Variants in ATP9B observed in about 807,000 individuals in gnomAD.
The protein encoded by ATP9B is ATPase phospholipid transporting 9B, also known as probable phospholipid-transporting ATPase IIB.
In ATP9B, 110 loss-of-function variants were observed where a neutral mutation model predicts 146.1. The ratio of observed to expected loss-of-function variants is 0.75; its 90% CI spans 0.65 to 0.88. The LOEUF is 0.88. ATP9B is among the 40% of genes least tolerant of loss of function. The pLI, the probability that ATP9B is intolerant of heterozygous loss-of-function variation, is 0.00. For missense variants in ATP9B, 1,499 were observed against 1,496.4 expected, an observed-to-expected ratio of 1.00 and a Z score of -0.03; for synonymous variants, 604 against 569.7, an observed-to-expected ratio of 1.06 and a Z score of -0.86.
intron 13 of ATP9B, among the ~76,000 whole-genome samples, chr18:79,278,243 G>A (rs1190608686): frequency 2.0e-5 from 3 of 152,176 alleles, no homozygotes; most frequent in Admixed American, 6.5e-5. Flanking sequence ...GCACACAGAC[G>A]GTCCGCAGCT....
intron 3 of ATP9B, 139 bp from the exon 4 acceptor site, chr18:79,113,102 A>T: frequency 3.9e-6 from 2 of 516,636 alleles, no homozygotes; most frequent in South Asian, 6.8e-5. Flanking sequence ...GAAAATTAAT[A>T]CATTTACTTT....
chr18:79,328,591 A>G lies in ATP9B; in HGVS notation c.1774-550A>G, dbSNP rs1048881474. Among the ~76,000 whole-genome samples the G allele has an allele frequency of 3.4e-4, 51 of 152,238 alleles. 1 individual carries two copies. The highest frequency in any genetic ancestry group is 3.3e-3 in the Admixed American group (51 of 15,288). ...AGTTCCGACTTTCACACTTGGGCTT[A>G]GAACCCAGGCCTGCTTTCTCCTTGT... is the stretch of plus-strand genomic sequence containing the variant. On this transcript the variant is annotated intron_variant, in intron 15 of 29. Coordinates refer to ENST00000426216, the MANE Select transcript of ATP9B (RefSeq NM_198531.5).
chr18:79,071,774 G>C (rs1369466502), intron 1 of ATP9B, among the ~76,000 whole-genome samples: 1 of 151,792 alleles, frequency 6.6e-6, no homozygotes, highest in Non-Finnish European at 1.5e-5. Flanking sequence ...TTCCCCTGTA[G>C]ATAATGTGTC....
At chr18:79,167,692 G>A (rs1455934152) in intron 7 of ATP9B, among the ~76,000 whole-genome samples, 19 of 152,188 alleles carry the variant, frequency 1.2e-4, no homozygotes, top group African/African-American at 4.3e-4. Context: ...AGCCATGGGC[G>A]GGCCTAGAAA....
At chr18:79,342,449 T>C in intron 20 of ATP9B, 83 bp downstream of exon 20, 1 of 894,506 alleles carries the variant, frequency 1.1e-6, no homozygotes, top group Non-Finnish European at 1.7e-6. Context: ...AGAATATATA[T>C]TTATTAATCA....
At chr18:79,215,205 A>G (rs1435881286) in intron 11 of ATP9B, among the ~76,000 whole-genome samples, 2 of 152,082 alleles carry the variant, frequency 1.3e-5, no homozygotes, top group Non-Finnish European at 2.9e-5. Flanking sequence ...TTTCAGGTAA[A>G]TGTTATTTTA....
At chr18:79,204,654 G>C (rs1339805456) in intron 9 of ATP9B, among the ~76,000 whole-genome samples, 4 of 152,194 alleles carry the variant, frequency 2.6e-5, no homozygotes, top group Non-Finnish European at 5.9e-5. Flanking sequence ...ATTCCTAAGG[G>C]ACTGTAGAGT....
intron 13 of ATP9B, among the ~76,000 whole-genome samples, chr18:79,290,967 G>A (rs2096497245): frequency 1.3e-5 from 2 of 152,136 alleles, no homozygotes; most frequent in South Asian, 2.1e-4. Context: ...TAGGGGTGAG[G>A]CCAATTCACA....
chr18:79,152,271 G>A (rs1015285856), intron 6 of ATP9B, among the ~76,000 whole-genome samples: 1 of 152,184 alleles, frequency 6.6e-6, no homozygotes, highest in Non-Finnish European at 1.5e-5. Context: ...TTTCTATGAA[G>A]TCTAATAAGA....
At chr18:79,185,801 G>A (rs764692321) in intron 8 of ATP9B, among the ~76,000 whole-genome samples, 5 of 91,814 alleles carry the variant, frequency 5.4e-5, no homozygotes, top group Non-Finnish European at 9.7e-5. Flanking sequence ...TGTGTTGTGA[G>A]CTGTTTGTTG....
At chr18:79,153,641 T>TC (rs1300745332) in intron 6 of ATP9B, among the ~76,000 whole-genome samples, 3 of 142,966 alleles carry the variant, frequency 2.1e-5, no homozygotes, top group Non-Finnish European at 4.5e-5. Flanking sequence ...AACGTTTTTT[T>TC]CAGACATAAA....
intron 8 of ATP9B, among the ~76,000 whole-genome samples, chr18:79,187,494 G>T (rs1302331787): frequency 6.6e-6 from 1 of 152,214 alleles, no homozygotes; most frequent in East Asian, 1.9e-4. Flanking sequence ...AGAATGCTGA[G>T]AAATGCATTC....
rs181503152 is a variant in ATP9B at position 79,234,135 on chromosome 18, A to G, written c.1108-19246A>G. Among the ~76,000 whole-genome samples the G allele has an allele frequency of 2.7e-3, 405 of 152,290 alleles. 1 individual carries two copies. Among genetic ancestry groups the G allele is most frequent in the Middle Eastern group, 6.8e-3 (2 of 294 alleles). ...TCAATCTTGGAACAGGGTTACAGGA[A>G]GAGTGGGAGGGAGCGAGTAGGGAAG... On this transcript the variant is annotated intron_variant, in intron 11 of 29. Transcript: ENST00000426216.
intron 13 of ATP9B, among the ~76,000 whole-genome samples, chr18:79,302,564 A>G (rs2096597977): frequency 6.6e-6 from 1 of 152,222 alleles, no homozygotes. Context: ...CCAAATAAAT[A>G]AAACATATGC....
At chr18:79,246,295 GGAGGGCACCGCCCTACTGACTGA>G (rs1178350732) in intron 11 of ATP9B, among the ~76,000 whole-genome samples, 6 of 118,374 alleles carry the variant, frequency 5.1e-5, no homozygotes, top group East Asian at 5.1e-4. Flanking sequence ...CTGTCTGTGC[GGAGGGCACCGCCCTACTGACTGA>G]GGAGGGCACC....
In ATP9B at chr18:79,089,958, C is replaced by T. The variant is rs2074177410; in HGVS notation, c.120-6518C>T. Among the ~76,000 whole-genome samples, 4 of 152,182 alleles carry T rather than the reference C, an allele frequency of 2.6e-5. No individual in the cohort carries two copies. In the South Asian group the frequency reaches 8.3e-4, roughly 32 times the overall value. On this transcript the variant is annotated intron_variant, in intron 1 of 29. Transcript: ENST00000426216. ...TTCCCAGCCTCTGATAAGCATCATT[C>T]TACTCTCTGTCTCCATAAGTCCAAC...
chr18:79,316,084 T>C (rs1003029318), intron 15 of ATP9B, among the ~76,000 whole-genome samples: 1 of 152,212 alleles, frequency 6.6e-6, no homozygotes, highest in Non-Finnish European at 1.5e-5. Flanking sequence ...CATATTAATA[T>C]AGAAGCACAC....
chr18:79,201,839 G>T (rs1015372617), intron 9 of ATP9B, among the ~76,000 whole-genome samples: 1 of 152,120 alleles, frequency 6.6e-6, no homozygotes, highest in Middle Eastern at 3.2e-3. Flanking sequence ...GATTACAGGC[G>T]TGAGTCACTG....
At chr18:79,215,073 G>A (rs1020354112) in intron 11 of ATP9B, among the ~76,000 whole-genome samples, 2 of 151,610 alleles carry the variant, frequency 1.3e-5, no homozygotes, top group South Asian at 2.1e-4. Flanking sequence ...GCTCAAACCC[G>A]GGAGGTGGCG....
Sources: allele counts gnomAD v4.1 joint callset (sites outside exome capture counted in the v4.1 genomes callset), GRCh38; gene constraint gnomAD v4.1.1; transcripts MANE v1.5; gene names NCBI Gene and HGNC (gene_info 2026-07-23, HGNC 2026-07-21).